BZW2: variants seen among roughly 807,000 people sequenced by gnomAD.
BZW2 encodes eIF5-mimic protein 1.
A neutral mutation model predicts 53.2 loss-of-function variants in BZW2; 23 were observed. The ratio of observed to expected loss-of-function variants is 0.43; its 90% CI spans 0.31 to 0.61. The LOEUF (loss-of-function observed/expected upper bound fraction) is 0.61. Among genes scored for constraint, BZW2 ranks in the 20% least tolerant of loss-of-function variants. BZW2 has a pLI of 0.09. For missense variants in BZW2, 409 were observed against 503.1 expected (o/e 0.81, Z 1.79); for synonymous variants, 227 against 186.4 (o/e 1.22, Z -1.77).
At chr7:16,676,226 A>G (rs1203821568) in intron 3 of BZW2, among the ~76,000 whole-genome samples, 1 of 152,176 alleles carries the variant, frequency 6.6e-6, no homozygotes, top group Admixed American at 6.5e-5. Flanking sequence ...GGATGATTCT[A>G]AAAAGAATTA....
At chr7:16,652,595 G>A (rs1312429071) in intron 1 of BZW2, among the ~76,000 whole-genome samples, 1 of 151,570 alleles carries the variant, frequency 6.6e-6, no homozygotes, top group East Asian at 1.9e-4. Context: ...CGGCTGACTG[G>A]CTGACTGTAA....
intron 10 of BZW2, among the ~76,000 whole-genome samples, chr7:16,701,502 T>C (rs1194222215): frequency 2.0e-5 from 3 of 152,174 alleles, no homozygotes; most frequent in African/African-American, 7.2e-5. Context: ...GGTAAATTAT[T>C]TTTGACTTGT....
At chr7:16,686,329 C>A in intron 6 of BZW2, 1 of 304,118 alleles carries the variant, frequency 3.3e-6, no homozygotes, top group Non-Finnish European at 6.3e-6. Flanking sequence ...TCAAATACCC[C>A]GAAATCGATC....
Position 16,706,344 on chromosome 7 carries a change from A to G in BZW2, c.*256A>G. 1 of 416,158 alleles carries G rather than the reference A, an allele frequency of 2.4e-6. No homozygotes were observed. The highest frequency in any genetic ancestry group is 4.3e-6 in the Non-Finnish European group (1 of 233,860). 25.8% of individuals were successfully genotyped at this position (416,158 alleles called of 1,614,324 possible). On this transcript the variant is annotated 3_prime_UTR_variant, in exon 12 of 12. Coordinates refer to ENST00000258761, the MANE Select transcript of BZW2 (RefSeq NM_014038.3). ...ACTTAAAGCCATTCAACAAGGAGTCAAGTAGATCTGAAATTAAATACTCAA... is the reference window on the plus strand; with the variant it reads ...ACTTAAAGCCATTCAACAAGGAGTCGAGTAGATCTGAAATTAAATACTCAA...
intron 6 of BZW2, chr7:16,686,732 T>G (rs1235082945): frequency 6.6e-6 from 1 of 152,268 alleles, no homozygotes; most frequent in Non-Finnish European, 1.5e-5. Context: ...ACTTAAAGTT[T>G]TCCTCCTACA....
At chr7:16,695,991 C>G (rs1769420392) in intron 8 of BZW2, 1 of 152,220 alleles carries the variant, frequency 6.6e-6, no homozygotes, top group Non-Finnish European at 1.5e-5. Flanking sequence ...GGATGTCACA[C>G]TTTTATGTGG....
chr7:16,689,810 A>G lies in BZW2; in HGVS notation c.555A>G (p.Ser185=), dbSNP rs1226793853. ...GTTTTTCAACAGGCATTGCGGCCTC[A>G]TTTGCTGTCAAGCTTTTCAAAGCAT... ...DSLVKEGIAA[S]FAVKLFKAWM... is the part of the protein sequence containing the mutation. The change falls in exon 7 of 12, where the codon TCA becomes TCG. Residue 185 remains serine, a synonymous_variant. Coordinates refer to ENST00000258761, the MANE Select transcript of BZW2 (RefSeq NM_014038.3). 6.2e-7 allele frequency: 1 copy of G among 1,607,352 alleles called. No individual in the cohort carries two copies. The highest frequency in any genetic ancestry group is 2.2e-5 in the East Asian group (1 of 44,674).
At chr7:16,684,091 CTG>C in intron 5 of BZW2, among the ~76,000 whole-genome samples, 1 of 152,310 alleles carries the variant, frequency 6.6e-6, no homozygotes, top group Middle Eastern at 3.4e-3. Context: ...GAGATGAAGA[CTG>C]TTTAATTAAA....
intron 5 of BZW2, among the ~76,000 whole-genome samples, chr7:16,683,947 A>G (rs1783035830): frequency 6.6e-6 from 1 of 152,322 alleles, no homozygotes; most frequent in South Asian, 2.1e-4. Flanking sequence ...ATAGTCATTA[A>G]AAGAAATGTT....
chr7:16,686,678 A>C (rs1554267901), intron 6 of BZW2: 1 of 152,324 alleles, frequency 6.6e-6, no homozygotes, highest in Non-Finnish European at 1.5e-5. Context: ...TTCCTTAAAA[A>C]TAAATTAAAA....
chr7:16,697,216 G>C (rs765040299), intron 9 of BZW2, among the ~76,000 whole-genome samples, 155 bp downstream of exon 9: 1 of 152,072 alleles, frequency 6.6e-6, no homozygotes, highest in Non-Finnish European at 1.5e-5. Flanking sequence ...CAGCCTCCCA[G>C]GTAGCTAGGA....
intron 5 of BZW2, among the ~76,000 whole-genome samples, chr7:16,683,546 G>A (rs1783019854): frequency 6.6e-6 from 1 of 152,230 alleles, no homozygotes; most frequent in South Asian, 2.1e-4. Context: ...TTAATTGTAT[G>A]CAGTTTAGCA....
At chr7:16,670,792 C>G (rs755373265) in intron 2 of BZW2, among the ~76,000 whole-genome samples, 4 of 152,170 alleles carry the variant, frequency 2.6e-5, no homozygotes, top group Admixed American at 6.5e-5. Flanking sequence ...CTGCAGTCAC[C>G]ATTTGCATGT....
intron 2 of BZW2, among the ~76,000 whole-genome samples, chr7:16,667,832 C>T (rs1342401135): frequency 2.6e-5 from 4 of 152,294 alleles, no homozygotes; most frequent in Admixed American, 2.6e-4. Flanking sequence ...CAAGTATAGC[C>T]TGAGCCACTT....
At chr7:16,649,856 T>C (rs1362811054) in intron 1 of BZW2, among the ~76,000 whole-genome samples, 1 of 152,172 alleles carries the variant, frequency 6.6e-6, no homozygotes, top group African/African-American at 2.4e-5. Context: ...AATGAGAATA[T>C]AAATGAGATA....
intron 7 of BZW2, among the ~76,000 whole-genome samples, chr7:16,691,818 C>A (rs901131441): frequency 1.3e-5 from 2 of 152,042 alleles, no homozygotes; most frequent in African/African-American, 4.8e-5. Flanking sequence ...TAGATGGCTT[C>A]ATTTATAAAA....
At chr7:16,700,603 A>G (rs1459095068) in intron 10 of BZW2, 1 of 152,150 alleles carries the variant, frequency 6.6e-6, no homozygotes, top group Non-Finnish European at 1.5e-5. Context: ...GAGAATTTTC[A>G]TTTTAACAAG....
At chr7:16,648,784 C>T (rs1207723045) in intron 1 of BZW2, among the ~76,000 whole-genome samples, 2 of 152,148 alleles carry the variant, frequency 1.3e-5, no homozygotes, top group Non-Finnish European at 2.9e-5. Context: ...CTGCTTTTCT[C>T]CTCCTCTGAA....
chr7:16,673,857 A>G (rs1289210543), intron 2 of BZW2, among the ~76,000 whole-genome samples: 4 of 152,266 alleles, frequency 2.6e-5, no homozygotes, highest in Admixed American at 6.5e-5. Context: ...ATGGCTCATT[A>G]CATCTATTAA....
Sources: allele counts gnomAD v4.1 joint callset (sites outside exome capture counted in the v4.1 genomes callset), GRCh38; gene constraint gnomAD v4.1.1; transcripts MANE v1.5; gene names NCBI Gene and HGNC (gene_info 2026-07-23, HGNC 2026-07-21).